The following RSPO3 variants were observed in gnomAD, a reference collection of about 807,000 sequenced individuals.
The protein encoded by RSPO3 is R-spondin-3.
In RSPO3, 17 loss-of-function variants were observed where a neutral mutation model predicts 36.5. The observed-to-expected ratio is 0.47, with a 90% CI of 0.32 to 0.70. RSPO3 has a LOEUF of 0.70. Ranked by LOEUF, RSPO3 falls within the 30% of genes least tolerant of loss-of-function variation. RSPO3 has a pLI of 0.04. For missense variants in RSPO3, 294 were observed against 322.5 expected, an observed-to-expected ratio of 0.91 and a Z score of 0.68; for synonymous variants, 108 against 107.0, an observed-to-expected ratio of 1.01 and a Z score of -0.06.
chr6:127,179,971 C>A (rs1775148261), intron 4 of RSPO3, among the ~76,000 whole-genome samples: 1 of 151,846 alleles, frequency 6.6e-6, no homozygotes, highest in Non-Finnish European at 1.5e-5. Context: ...ATCTCTGCAT[C>A]TCATGGTCAG....
chr6:127,191,313 T>G (rs1775405532), intron 4 of RSPO3, among the ~76,000 whole-genome samples: 1 of 152,184 alleles, frequency 6.6e-6, no homozygotes, highest in Non-Finnish European at 1.5e-5. Flanking sequence ...TCTGCAGCTT[T>G]GGCTTTTAAA....
At chr6:127,158,980 A>G (rs1037804899) in intron 4 of RSPO3, among the ~76,000 whole-genome samples, 1 of 152,204 alleles carries the variant, frequency 6.6e-6, no homozygotes, top group Admixed American at 6.5e-5. Flanking sequence ...ATAAACTATT[A>G]TCACATGTGT....
intron 4 of RSPO3, among the ~76,000 whole-genome samples, chr6:127,184,288 A>G (rs1775246143): frequency 6.6e-6 from 1 of 152,054 alleles, no homozygotes; most frequent in Non-Finnish European, 1.5e-5. Context: ...TAAGTTCTTT[A>G]TATTTGTAGT....
intron 4 of RSPO3, among the ~76,000 whole-genome samples, chr6:127,177,096 T>C (rs578081564): frequency 6.6e-6 from 1 of 151,940 alleles, no homozygotes; most frequent in Non-Finnish European, 1.5e-5. Context: ...TGATGGCCCA[T>C]GAAAGAGACT....
intron 4 of RSPO3, among the ~76,000 whole-genome samples, chr6:127,163,465 G>T (rs1273037265): frequency 1.3e-5 from 2 of 152,056 alleles, no homozygotes; most frequent in African/African-American, 2.4e-5. Flanking sequence ...TTATCCTTGG[G>T]CCTCTCAAGA....
At chr6:127,120,907 AGGG>A (rs1773830796) in intron 1 of RSPO3, among the ~76,000 whole-genome samples, 1 of 152,238 alleles carries the variant, frequency 6.6e-6, no homozygotes, top group Admixed American at 6.5e-5. Context: ...CGGACGCGGA[AGGG>A]GAGGCCTGGG....
Position 127,197,808 on chromosome 6 carries a change from A to G in RSPO3, c.*1801A>G, listed in dbSNP as rs1447183757. The stretch of plus-strand genomic sequence containing the variant: ...TGGTGTTTCTTTCCTTGTCCCTATG[A>G]GATAAGTGTCTCAACTCACTAAATC... On this transcript the variant is annotated 3_prime_UTR_variant, in exon 5 of 5. Transcript: ENST00000356698. The G allele has an allele frequency of 3.3e-6, 1 of 302,216 alleles. No homozygotes were observed. Among genetic ancestry groups the G allele is most frequent in the East Asian group, 6.1e-5 (1 of 16,396 alleles). The allele number at this position is 302,216 out of a possible 1,614,324, so 18.7% of individuals were successfully genotyped here. A position where few individuals can be genotyped will look rare whatever the true frequency, so the allele number is the denominator to read the frequency against.
Position 127,150,520 on chromosome 6 carries a change from T to C in RSPO3, c.384T>C (p.Asn128=). 2 of 1,612,334 alleles carry C rather than the reference T, an allele frequency of 1.2e-6. No individual in the cohort carries two copies. The highest frequency in any genetic ancestry group is 8.5e-7 in the Non-Finnish European group (1 of 1,179,024). ...TACACCTTGGAAAGTGCCTTGACAA[T>C]TGCCCAGAAGGGTTGGAAGCCAACA... ...FYLHLGKCLD[N]CPEGLEANNH... Residue 128 remains asparagine, a synonymous_variant, in exon 3 of 5, where the codon AAT becomes AAC. Coordinates refer to ENST00000356698, the MANE Select transcript of RSPO3 (RefSeq NM_032784.5).
At chr6:127,185,790 A>G (rs768570262) in intron 4 of RSPO3, among the ~76,000 whole-genome samples, 4 of 152,136 alleles carry the variant, frequency 2.6e-5, no homozygotes, top group Non-Finnish European at 5.9e-5. Flanking sequence ...AGTGCATAAC[A>G]TGATGAAAGA....
At chr6:127,131,849 G>A (rs539428280) in intron 1 of RSPO3, among the ~76,000 whole-genome samples, 1 of 152,112 alleles carries the variant, frequency 6.6e-6, no homozygotes, top group Admixed American at 6.6e-5. Context: ...CACACTTCTT[G>A]TACAAATTTC....
chr6:127,148,881 T>C (rs1774436756), intron 2 of RSPO3, 42 bp downstream of exon 2: 1 of 1,505,798 alleles, frequency 6.6e-7, no homozygotes. Flanking sequence ...TCATCTTTGG[T>C]GACTTTTCCA....
At position 127,155,307 on chromosome 6, in the gene RSPO3, T is replaced by G; in HGVS notation, c.503T>G (p.Phe168Cys). ...PCTKKGKTCG[F>C]KRGTETRVRE... ...ACGAAGAAGGGAAAAACATGTGGCT[T>G]CAAAAGAGGGACTGAAACACGGGTC... The change falls in exon 4 of 5, where the codon TTC becomes TGC. Residue 168 changes from phenylalanine (F) to cysteine (C), a missense_variant. Phe to Cys is a radical substitution (Grantham distance 205). Transcript: ENST00000356698. The G allele has an allele frequency of 1.2e-6, 2 of 1,613,828 alleles. No individual in the cohort carries two copies. Among genetic ancestry groups the G allele is most frequent in the Non-Finnish European group, 1.7e-6 (2 of 1,179,906 alleles).
At chr6:127,192,287 A>C (rs1465565676) in intron 4 of RSPO3, among the ~76,000 whole-genome samples, 1 of 152,158 alleles carries the variant, frequency 6.6e-6, no homozygotes, top group Non-Finnish European at 1.5e-5. Context: ...GGCTTTGTTC[A>C]TGTTTGTGCA....
intron 1 of RSPO3, among the ~76,000 whole-genome samples, chr6:127,130,516 T>C (rs1562240346): frequency 6.6e-6 from 1 of 152,150 alleles, no homozygotes; most frequent in African/African-American, 2.4e-5. Flanking sequence ...GGCAGACAAA[T>C]AAACCCTGTC....
Position 127,195,941 on chromosome 6 carries a change from A to T in RSPO3, c.753A>T (p.Lys251Asn). The T allele has an allele frequency of 1.2e-6, 2 of 1,613,368 alleles. No homozygotes were observed. Among genetic ancestry groups the T allele is most frequent in the Non-Finnish European group, 8.5e-7 (1 of 1,179,452 alleles). ...AAATCCCAGAGCAACGAGAAAACAA[A>T]CAGCAGCAGAAGAAGCGAAAAGTCC... is the stretch of plus-strand genomic sequence containing the variant. Reference protein sequence around the residue: ...SKEIPEQRENKQQQKKRKVQD... With the variant: ...SKEIPEQRENNQQQKKRKVQD... Residue 251 changes from lysine to asparagine, a missense_variant, in exon 5 of 5, where the codon AAA becomes AAT. Physicochemically the swap from Lys to Asn is moderately conservative, Grantham distance 94. Around this residue, in one of 3 missense-constraint regions of RSPO3, gnomAD observed 190 missense variants for 185.2 expected, o/e 1.03. Coordinates refer to ENST00000356698, the MANE Select transcript of RSPO3 (RefSeq NM_032784.5).
Position 127,172,987 on chromosome 6 carries a change from C to T in RSPO3, c.634+17549C>T, listed in dbSNP as rs141187379. ...AACCTAAATCTTTTGTCAATCTGAT[C>T]TTTCCATTCTGTCTTTTTCAACACT... On this transcript the variant is annotated intron_variant, in intron 4 of 4. Transcript: ENST00000356698. 7.9e-3 allele frequency among the ~76,000 whole-genome samples: 1,199 copies of T among 151,912 alleles called. 13 individuals carry two copies. Among genetic ancestry groups the T allele is most frequent in the Non-Finnish European group, 0.014 (932 of 67,830 alleles).
chr6:127,142,700 T>G (rs1467856110), intron 1 of RSPO3, among the ~76,000 whole-genome samples: 1 of 152,238 alleles, frequency 6.6e-6, no homozygotes, highest in Non-Finnish European at 1.5e-5. Context: ...TTGCCAGATA[T>G]TCATAGGCAT....
At chr6:127,137,390 CAATA>C (rs977570564) in intron 1 of RSPO3, among the ~76,000 whole-genome samples, 1 of 151,986 alleles carries the variant, frequency 6.6e-6, no homozygotes, top group African/African-American at 2.4e-5. Context: ...GACTCCATCT[CAATA>C]AATAAATAAA....
intron 1 of RSPO3, among the ~76,000 whole-genome samples, chr6:127,121,472 T>C (rs1773844373): frequency 6.6e-6 from 1 of 152,192 alleles, no homozygotes; most frequent in Admixed American, 6.5e-5. Flanking sequence ...AATTTTTCTG[T>C]GGGAGTGGGA....
Sources: allele counts gnomAD v4.1 joint callset (sites outside exome capture counted in the v4.1 genomes callset), GRCh38; gene constraint gnomAD v4.1.1; regional missense constraint gnomAD v4.1.1; transcripts MANE v1.5; gene names NCBI Gene and HGNC (gene_info 2026-07-23, HGNC 2026-07-21).